The following RNF13 variants were observed in gnomAD, a reference collection of about 807,000 sequenced individuals.
The protein encoded by RNF13 is ring finger protein 13, also known as E3 ubiquitin-protein ligase RNF13.
A neutral mutation model predicts 37.7 loss-of-function variants in RNF13; 19 were observed. That is an observed-to-expected ratio of 0.50 (90% CI 0.35 to 0.74). The LOEUF (loss-of-function observed/expected upper bound fraction) is 0.74. Among genes scored for constraint, RNF13 ranks in the 30% least tolerant of loss-of-function variants. The pLI, the probability that RNF13 is intolerant of heterozygous loss-of-function variation, is 0.01. For synonymous variants in RNF13, 144 were observed against 157.8 expected (o/e 0.91, Z 0.65); for missense variants, 375 against 453.0 (o/e 0.83, Z 1.56).
chr3:149,848,811 T>A (rs1722876447), intron 2 of RNF13, among the ~76,000 whole-genome samples: 1 of 152,172 alleles, frequency 6.6e-6, no homozygotes, highest in Non-Finnish European at 1.5e-5. Context: ...AGTTGTTGAG[T>A]TCTAAGAGGC....
intron 8 of RNF13, among the ~76,000 whole-genome samples, chr3:149,925,224 G>A (rs1431070122): frequency 6.6e-6 from 1 of 152,158 alleles, no homozygotes; most frequent in East Asian, 1.9e-4. Flanking sequence ...TCTCTATGGA[G>A]TGGTGTTTAT....
At chr3:149,922,347 T>C (rs1051528172) in intron 8 of RNF13, among the ~76,000 whole-genome samples, 11 of 152,206 alleles carry the variant, frequency 7.2e-5, no homozygotes, top group Non-Finnish European at 1.6e-4. Flanking sequence ...TAACGCTAAG[T>C]AGACTTTCAG....
intron 1 of RNF13, among the ~76,000 whole-genome samples, chr3:149,830,689 A>G (rs890524021): frequency 4.0e-5 from 6 of 150,038 alleles, no homozygotes; most frequent in African/African-American, 1.2e-4. Context: ...CCATTTTCTG[A>G]GGAGACATTC....
At chr3:149,938,475 ATTG>A (rs1230789030) in intron 8 of RNF13, among the ~76,000 whole-genome samples, 1 of 149,996 alleles carries the variant, frequency 6.7e-6, no homozygotes, top group East Asian at 2.0e-4. Context: ...GCCTGGCCAT[ATTG>A]TTATTATTAT....
chr3:149,900,039 G>A (rs1412860497), intron 5 of RNF13, among the ~76,000 whole-genome samples: 1 of 152,172 alleles, frequency 6.6e-6, no homozygotes. Flanking sequence ...AAAGTATTTT[G>A]TGAAGTAAAA....
intron 8 of RNF13, among the ~76,000 whole-genome samples, chr3:149,945,131 A>C (rs1461030919): frequency 2.0e-5 from 3 of 152,060 alleles, no homozygotes; most frequent in Admixed American, 6.6e-5. Context: ...GATGTGTGAT[A>C]TTATTTCTGA....
chr3:149,919,786 A>G (rs1196020087), intron 7 of RNF13, among the ~76,000 whole-genome samples: 2 of 152,184 alleles, frequency 1.3e-5, no homozygotes, highest in Non-Finnish European at 2.9e-5. Context: ...GTCACAGGAT[A>G]AATGTGTGTT....
intron 8 of RNF13, among the ~76,000 whole-genome samples, chr3:149,927,120 T>C (rs780227633): frequency 6.6e-6 from 1 of 152,236 alleles, no homozygotes; most frequent in Non-Finnish European, 1.5e-5. Context: ...ACTGAAACTC[T>C]GTACCTGTTA....
chr3:149,909,063 T>C (rs1291756079), intron 6 of RNF13, among the ~76,000 whole-genome samples: 1 of 152,106 alleles, frequency 6.6e-6, no homozygotes, highest in Admixed American at 6.6e-5. Flanking sequence ...CAGATTAATC[T>C]GGGACTAGGG....
chr3:149,948,163 C>G (rs1407209745), intron 8 of RNF13, among the ~76,000 whole-genome samples: 1 of 152,084 alleles, frequency 6.6e-6, no homozygotes, highest in Non-Finnish European at 1.5e-5. Flanking sequence ...GCTGGCCAGG[C>G]TGGTCTCGAA....
At chr3:149,936,456 A>G (rs993912040) in intron 8 of RNF13, among the ~76,000 whole-genome samples, 6 of 151,626 alleles carry the variant, frequency 4.0e-5, no homozygotes, top group African/African-American at 1.2e-4. Flanking sequence ...TATATTTTCA[A>G]ATTGTCTTTG....
intron 1 of RNF13, among the ~76,000 whole-genome samples, chr3:149,820,097 G>A (rs1012475714): frequency 3.3e-5 from 5 of 152,186 alleles, no homozygotes; most frequent in African/African-American, 1.2e-4. Flanking sequence ...GCGCTTTGAT[G>A]TAAGAGAGCT....
At chr3:149,927,055 A>G (rs1178884291) in intron 8 of RNF13, among the ~76,000 whole-genome samples, 1 of 152,314 alleles carries the variant, frequency 6.6e-6, no homozygotes, top group South Asian at 2.1e-4. Flanking sequence ...AAGTATCTTC[A>G]TATTGTTATG....
intron 1 of RNF13, among the ~76,000 whole-genome samples, chr3:149,815,851 T>C (rs1463292549): frequency 6.6e-6 from 1 of 152,154 alleles, no homozygotes; most frequent in Non-Finnish European, 1.5e-5. Context: ...AAGTGCTTTA[T>C]AATATCTCAG....
At chr3:149,946,810 C>T (rs1193794603) in intron 8 of RNF13, among the ~76,000 whole-genome samples, 1 of 152,000 alleles carries the variant, frequency 6.6e-6, no homozygotes, top group Non-Finnish European at 1.5e-5. Context: ...TTTCATTTGT[C>T]TCTGCTGTAA....
intron 7 of RNF13, among the ~76,000 whole-genome samples, chr3:149,912,945 GT>G (rs922289897): frequency 6.6e-6 from 1 of 152,060 alleles, no homozygotes; most frequent in African/African-American, 2.4e-5. Flanking sequence ...AACAGAAGCA[GT>G]TTGAAAATCC....
At position 149,936,932 on chromosome 3, in the gene RNF13, T is replaced by C. The variant is rs575995774; in HGVS notation, c.700+15705T>C. Among the ~76,000 whole-genome samples the C allele has an allele frequency of 4.6e-5, 7 of 152,278 alleles. No individual in the cohort carries two copies. The East Asian group carries it at 1.4e-3, about 29-fold the overall frequency. On this transcript the variant is annotated intron_variant, in intron 8 of 9. Coordinates refer to ENST00000392894, the MANE Select transcript of RNF13 (RefSeq NM_183381.3). ...CACTAGATGGCACCCTAAGCCCAGG[T>C]TTGCCTGGCTTTCACAAACGTTCGG...
At chr3:149,901,911 C>G (rs1715881909) in intron 5 of RNF13, among the ~76,000 whole-genome samples, 161 bp from the exon 6 acceptor site, 1 of 152,116 alleles carries the variant, frequency 6.6e-6, no homozygotes, top group African/African-American at 2.4e-5. Context: ...GTTTCTCAAC[C>G]ATTTTGATGA....
At chr3:149,948,319 A>G (rs369433359) in intron 8 of RNF13, among the ~76,000 whole-genome samples, 15 of 152,194 alleles carry the variant, frequency 9.9e-5, no homozygotes, top group Admixed American at 9.8e-4. Context: ...TTTTTTAGCC[A>G]TTCAATCAAT....
Sources: gnomAD v4.1 joint callset for allele counts (sites outside exome capture counted in the v4.1 genomes callset) on GRCh38, gnomAD v4.1.1 for gene constraint, MANE v1.5 for transcripts, NCBI Gene and HGNC (gene_info 2026-07-23, HGNC 2026-07-21) for gene names.